The following NUCKS1 variants were observed in gnomAD, a reference collection of about 807,000 sequenced individuals.
NUCKS1 encodes nuclear casein kinase and cyclin dependent kinase substrate 1.
A neutral mutation model predicts 33.0 loss-of-function variants in NUCKS1; 2 were observed. That is an observed-to-expected ratio of 0.06 (90% CI 0.02 to 0.19). The LOEUF is 0.19. Ranked by LOEUF, NUCKS1 falls within the 10% of genes least tolerant of loss-of-function variation. The pLI is 1.00. For synonymous variants in NUCKS1, 106 were observed against 102.8 expected, an observed-to-expected ratio of 1.03 and a Z score of -0.19; for missense variants, 201 against 293.6, an observed-to-expected ratio of 0.68 and a Z score of 2.31.
chr1:205,720,628 ATCT>A lies in NUCKS1; in HGVS notation c.252_254del (p.Glu84del). ...GCCGTTGTTGGCGCACATTTTTATGATCTTCTTTTTCATCTTCACTATCCTCTG... is the reference window on the plus strand; with the variant it reads ...GCCGTTGTTGGCGCACATTTTTATGATCTTTTTCATCTTCACTATCCTCTG... On this transcript the variant is annotated inframe_deletion, in exon 5 of 7. Coordinates refer to ENST00000367142, the MANE Select transcript of NUCKS1 (RefSeq NM_022731.5). 3 of 1,613,842 alleles carry A rather than the reference ATCT, an allele frequency of 1.9e-6. No individual in the cohort carries two copies. Among genetic ancestry groups the A allele is most frequent in the Non-Finnish European group, 1.7e-6 (2 of 1,179,978 alleles).
In NUCKS1 at chr1:205,750,168, C is replaced by T; in HGVS notation, c.-195G>A. The T allele has an allele frequency of 1.6e-6, 1 of 626,430 alleles. No individual in the cohort carries two copies. Among genetic ancestry groups the T allele is most frequent in the Non-Finnish European group, 2.8e-6 (1 of 352,706 alleles). The allele number at this position is 626,430 out of a possible 1,614,324, so 38.8% of individuals were successfully genotyped here. ...ACAGACGAGCCCCCCGCTCCCCCGT[C>T]TCTTCAAAATGGATGAATCAAACCA... On this transcript the variant is annotated 5_prime_UTR_variant, in exon 1 of 7. Transcript: ENST00000367142.
At position 205,750,046 on chromosome 1, in the gene NUCKS1, C is replaced by G; in HGVS notation, c.-73G>C. ...CCCCCCACCCCGCGCGCTCGGCGCCCCACCCCCCCCGAACTTCAGCCGATG... is the reference window on the plus strand; with the variant it reads ...CCCCCCACCCCGCGCGCTCGGCGCCGCACCCCCCCCGAACTTCAGCCGATG... On this transcript the variant is annotated 5_prime_UTR_variant, in exon 1 of 7. Transcript: ENST00000367142. 1 of 1,211,210 alleles carries G rather than the reference C, an allele frequency of 8.3e-7. No individual in the cohort carries two copies. Among genetic ancestry groups the G allele is most frequent in the South Asian group, 1.3e-5 (1 of 76,110 alleles). 75.0% of individuals were successfully genotyped at this position (1,211,210 alleles called of 1,614,324 possible).
intron 1 of NUCKS1, among the ~76,000 whole-genome samples, chr1:205,747,600 T>C (rs1438714151): frequency 1.3e-5 from 2 of 152,160 alleles, no homozygotes; most frequent in African/African-American, 4.8e-5. Flanking sequence ...TATGGTACAA[T>C]GAGAACCAGA....
intron 1 of NUCKS1, 83 bp downstream of exon 1, chr1:205,749,874 C>T (rs963616264): frequency 8.6e-5 from 124 of 1,440,470 alleles, no homozygotes; most frequent in Non-Finnish European, 1.1e-4. Context: ...GGATGGCGGA[C>T]TCTAGCCTTC....
chr1:205,732,059 G>GT (rs1259310233), intron 1 of NUCKS1, among the ~76,000 whole-genome samples: 1 of 152,074 alleles, frequency 6.6e-6, no homozygotes, highest in African/African-American at 2.4e-5. Flanking sequence ...TGTGGAGATG[G>GT]TATGGATGGA....
At chr1:205,731,189 T>C (rs1266670340) in intron 1 of NUCKS1, 1 of 151,710 alleles carries the variant, frequency 6.6e-6, no homozygotes, top group Admixed American at 6.6e-5. Flanking sequence ...GTTTCTAAAC[T>C]TTTTTTTTCC....
chr1:205,737,880 G>C (rs1571583958), intron 1 of NUCKS1, among the ~76,000 whole-genome samples: 1 of 152,104 alleles, frequency 6.6e-6, no homozygotes, highest in Non-Finnish European at 1.5e-5. Flanking sequence ...GTTTTCTAAA[G>C]ATTTACTGGT....
rs563791947 is a variant in NUCKS1 at position 205,713,890 on chromosome 1, G to A, written c.*4390C>T. 1 of 152,266 alleles carries A rather than the reference G, an allele frequency of 6.6e-6. No homozygotes were observed. Among genetic ancestry groups the A allele is most frequent in the African/African-American group, 2.4e-5 (1 of 41,536 alleles). 9.4% of individuals were successfully genotyped at this position (152,266 alleles called of 1,614,324 possible). A position where few individuals can be genotyped will look rare whatever the true frequency, so the allele number is the denominator to read the frequency against. The stretch of plus-strand genomic sequence containing the variant: ...TTAAGGACTAAAATCAAGGAAGACT[G>A]GGAGTTTTAGAGCTGGCAAAATGAA... On this transcript the variant is annotated 3_prime_UTR_variant, in exon 7 of 7. Transcript: ENST00000367142.
chr1:205,730,627 T>C (rs1057058402), intron 1 of NUCKS1, among the ~76,000 whole-genome samples: 4 of 151,836 alleles, frequency 2.6e-5, no homozygotes, highest in African/African-American at 7.3e-5. Flanking sequence ...TAGCTGAGAT[T>C]ACAGGCGTGT....
intron 1 of NUCKS1, among the ~76,000 whole-genome samples, chr1:205,749,158 G>T (rs887494918): frequency 6.6e-6 from 1 of 152,228 alleles, no homozygotes; most frequent in Non-Finnish European, 1.5e-5. Flanking sequence ...CACGGGATTT[G>T]GGCCGTGCTG....
Position 205,714,917 on chromosome 1 carries a change from C to G in NUCKS1, c.*3363G>C, listed in dbSNP as rs1671797799. ...CAGCACTCATTCTTCAAAGCTGCAA[C>G]AGTGGCCACCATGATCTTTTATAAA... On this transcript the variant is annotated 3_prime_UTR_variant, in exon 7 of 7. Transcript: ENST00000367142. 6.6e-6 allele frequency: 1 copy of G among 152,170 alleles called. No individual in the cohort carries two copies. Among genetic ancestry groups the G allele is most frequent in the African/African-American group, 2.4e-5 (1 of 41,426 alleles). 9.4% of individuals were successfully genotyped at this position (152,170 alleles called of 1,614,324 possible). A position where few individuals can be genotyped will look rare whatever the true frequency, so the allele number is the denominator to read the frequency against.
At position 205,723,928 on chromosome 1, in the gene NUCKS1, G is replaced by C; in HGVS notation, c.227C>G (p.Ala76Gly). The change falls in exon 4 of 7, where the codon GCA becomes GGA. Residue 76 changes from alanine (A) to glycine (G), a missense_variant and splice_region_variant. By Grantham distance (60) the Ala-to-Gly change is moderately conservative. Transcript: ENST00000367142. Reference sequence around the variant, plus strand: ...TTACATTTAAAATAGTTTACTACCTGCTGAGTGAGAATCATCCTTCTTGGT... The same window carrying C: ...TTACATTTAAAATAGTTTACTACCTCCTGAGTGAGAATCATCCTTCTTGGT... ...VKTKKDDSHS[A>G]EDSEDEKEDH... is the part of the protein sequence containing the mutation. 1 of 1,601,218 alleles carries C rather than the reference G, an allele frequency of 6.2e-7. No homozygotes were observed. Among genetic ancestry groups the C allele is most frequent in the Non-Finnish European group, 8.6e-7 (1 of 1,169,010 alleles).
chr1:205,735,249 T>C, intron 1 of NUCKS1, among the ~76,000 whole-genome samples: 1 of 152,354 alleles, frequency 6.6e-6, no homozygotes, highest in East Asian at 1.9e-4. Context: ...TTTCTATGTT[T>C]AGATATATAA....
intron 1 of NUCKS1, chr1:205,731,361 T>C (rs1340209659): frequency 1.3e-5 from 2 of 152,258 alleles, no homozygotes; most frequent in African/African-American, 4.8e-5. Context: ...AGAATCTATT[T>C]GACTCTAAAT....
At chr1:205,728,947 C>T (rs895296321) in intron 2 of NUCKS1, among the ~76,000 whole-genome samples, 22 of 150,390 alleles carry the variant, frequency 1.5e-4, no homozygotes, top group African/African-American at 5.4e-4. Context: ...GATTCATAGG[C>T]GTGAGCCACT....
At chr1:205,749,332 CG>C (rs35167882) in intron 1 of NUCKS1, among the ~76,000 whole-genome samples, 291 of 152,274 alleles carry the variant, frequency 1.9e-3, no homozygotes, top group African/African-American at 6.5e-3. Context: ...CACTTTTGCC[CG>C]GGGGGAAAAA....
In NUCKS1 at chr1:205,750,060, C is replaced by A; in HGVS notation, c.-87G>T. 8.0e-7 allele frequency: 1 copy of A among 1,253,292 alleles called. No individual in the cohort carries two copies. Among genetic ancestry groups the A allele is most frequent in the Non-Finnish European group, 1.1e-6 (1 of 944,048 alleles). 77.6% of individuals were successfully genotyped at this position (1,253,292 alleles called of 1,614,324 possible). A position where few individuals can be genotyped will look rare whatever the true frequency, so the allele number is the denominator to read the frequency against. ...CGCTCGGCGCCCCACCCCCCCCGAACTTCAGCCGATGGGACCGCTGCTGCC... is the reference window on the plus strand; with the variant it reads ...CGCTCGGCGCCCCACCCCCCCCGAAATTCAGCCGATGGGACCGCTGCTGCC... On this transcript the variant is annotated 5_prime_UTR_variant, in exon 1 of 7. Coordinates refer to ENST00000367142, the MANE Select transcript of NUCKS1 (RefSeq NM_022731.5).
At chr1:205,738,663 G>A (rs1461822172) in intron 1 of NUCKS1, among the ~76,000 whole-genome samples, 1 of 152,104 alleles carries the variant, frequency 6.6e-6, no homozygotes, top group East Asian at 1.9e-4. Flanking sequence ...GTGGGAGGCC[G>A]AGGTGGGCGG....
At chr1:205,720,697 A>G (rs752652548) in intron 4 of NUCKS1, 44 bp from the exon 5 acceptor site, 1 of 1,546,778 alleles carries the variant, frequency 6.5e-7, no homozygotes, top group East Asian at 2.2e-5. Context: ...AAAGAATTTT[A>G]TATTTGACAA....
Sources: gnomAD v4.1 joint callset for allele counts (sites outside exome capture counted in the v4.1 genomes callset) on GRCh38, gnomAD v4.1.1 for gene constraint, MANE v1.5 for transcripts, NCBI Gene and HGNC (gene_info 2026-07-23, HGNC 2026-07-21) for gene names.